DBN1: variants seen among roughly 807,000 people sequenced by gnomAD.
DBN1 encodes drebrin 1.
In DBN1, 21 loss-of-function variants were observed where a neutral mutation model predicts 83.5. That is an observed-to-expected ratio of 0.25 (90% confidence interval 0.18 to 0.36). The LOEUF (loss-of-function observed/expected upper bound fraction) is 0.36. Ranked by LOEUF, DBN1 falls within the 10% of genes least tolerant of loss-of-function variation. The pLI, the probability that DBN1 is intolerant of heterozygous loss-of-function variation, is 1.00. For synonymous variants in DBN1, 381 were observed against 384.9 expected, an observed-to-expected ratio of 0.99 and a Z score of 0.12; for missense variants, 874 against 935.7, an observed-to-expected ratio of 0.93 and a Z score of 0.86.
intron 8 of DBN1, among the ~76,000 whole-genome samples, chr5:177,463,284 G>C (rs1028313251): frequency 3.9e-5 from 6 of 152,150 alleles, no homozygotes; most frequent in Non-Finnish European, 2.9e-5. Flanking sequence ...TGATCCGCCT[G>C]CCTTGGCCTC....
rs554143410 is a variant in DBN1, at chr5:177,466,556, C to A, written c.771+216G>T. Among the ~76,000 whole-genome samples, 11 of 152,180 alleles carry A rather than the reference C, an allele frequency of 7.2e-5. No homozygotes were observed. Among genetic ancestry groups the A allele is most frequent in the African/African-American group, 2.7e-4 (11 of 41,444 alleles). ...GGAGTTTCTCTTCCAATCTAGAGCA[C>A]AAGCTTCTCCAAAGTAGTCTTTTTC... On this transcript the variant is annotated intron_variant, in intron 8 of 14. Coordinates refer to ENST00000393565, the MANE Select transcript of DBN1 (RefSeq NM_001363541.2). The surrounding 1 kb of genome is among the most constrained non-coding windows in gnomAD (Gnocchi z 4.8).
intron 1 of DBN1, among the ~76,000 whole-genome samples, chr5:177,470,640 T>C (rs1757777087): frequency 1.3e-5 from 2 of 152,324 alleles, no homozygotes; most frequent in East Asian, 1.9e-4. Flanking sequence ...TCTGCCTATG[T>C]AGTTCTCTTC....
At chr5:177,468,451 G>T in intron 2 of DBN1, 1 of 576,806 alleles carries the variant, frequency 1.7e-6, no homozygotes, top group Non-Finnish European at 3.1e-6. Flanking sequence ...GTAGGACTGA[G>T]GAAGTGTTTG....
At chr5:177,461,197 C>A (rs956092643) in intron 8 of DBN1, among the ~76,000 whole-genome samples, 3 of 142,566 alleles carry the variant, frequency 2.1e-5, no homozygotes, top group South Asian at 2.2e-4. Context: ...CTCCCGGGTT[C>A]ACGCCATTCT....
intron 8 of DBN1, among the ~76,000 whole-genome samples, chr5:177,463,066 A>G (rs163199): frequency 0.43 from 64,696 of 151,584 alleles, 14,857 homozygotes; most frequent in Non-Finnish European, 0.54. Context: ...AATCTGAGAC[A>G]GAGTCTTTCA....
At position 177,462,315 on chromosome 5, in the gene DBN1, A is replaced by C. The variant is rs1757109438; in HGVS notation, c.772-1612T>G. The C allele has an allele frequency of 4.1e-6, 4 of 985,496 alleles. No homozygotes were observed. The East Asian group carries it at 4.5e-4, about 112-fold the overall frequency. 61.0% of individuals were successfully genotyped at this position (985,496 alleles called of 1,614,324 possible). A position where few individuals can be genotyped will look rare whatever the true frequency, so the allele number is the denominator to read the frequency against. On this transcript the variant is annotated intron_variant, in intron 8 of 14. Transcript: ENST00000393565. The stretch of plus-strand genomic sequence containing the variant: ...CCCGTTCCCACCTCCAAGCCTCAGC[A>C]TGGGAGACTGGCCTCCCTCCCAAAT...
rs1451972106 is a variant in DBN1, at chr5:177,457,495, T to C, written c.2026A>G (p.Ile676Val). ...VFYNKPPEID[I>V]TCWDADPVPE... ...ACTGGGTCTGCATCCCAGCATGTGA[T>C]GTCGATCTCTGTGGCGTTAGAAAGG... Residue 676 changes from isoleucine to valine, a missense_variant, in exon 15 of 15, where the codon ATC (isoleucine) becomes GTC (valine). Ile to Val is a conservative substitution (Grantham distance 29). Coordinates refer to ENST00000393565, the MANE Select transcript of DBN1 (RefSeq NM_001363541.2). 3 of 1,614,154 alleles carry C rather than the reference T, an allele frequency of 1.9e-6. No homozygotes were observed. Among genetic ancestry groups the C allele is most frequent in the Non-Finnish European group, 2.5e-6 (3 of 1,179,968 alleles).
Position 177,467,281 on chromosome 5 carries a change from G to A in DBN1, c.529C>T (p.Arg177Ter). The change falls in exon 6 of 15, where the codon CGA (arginine) becomes TGA (stop). Residue 177 changes from arginine (R) to a stop codon, truncating the protein, a stop_gained. Transcript: ENST00000393565. LOFTEE classifies it high-confidence loss of function. This position sits in a 1 kb window ranked among gnomAD's most constrained non-coding sequence, Gnocchi z 9.1. ...TTGGCCTGCTCCCAGAACTGCTCTC[G>A]GTTAATCCGCTTCATTTCCACAGCT... ...DAAVEMKRINREQFWEQAKKE... is the reference protein window; with the variant it reads ...DAAVEMKRIN 1.2e-6 allele frequency: 2 copies of A among 1,614,152 alleles called. No individual in the cohort carries two copies. The highest frequency in any genetic ancestry group is 1.7e-6 in the Non-Finnish European group (2 of 1,180,006).
intron 1 of DBN1, among the ~76,000 whole-genome samples, chr5:177,471,598 G>A (rs1757845974): frequency 1.3e-5 from 2 of 152,092 alleles, no homozygotes; most frequent in African/African-American, 4.8e-5. Flanking sequence ...TGGGCCCTGG[G>A]GTATTCATAT....
Position 177,459,103 on chromosome 5 carries a change from G to A in DBN1, c.1259C>T (p.Ala420Val). ...PPPLPPPPPP[A>V]QETQEPSPIL... ...AGGTAGCATCCCTCTCTCACCTTGGGCTGGTGGGGGTGGCGGTGGCAGTGG... is the reference window on the plus strand; with the variant it reads ...AGGTAGCATCCCTCTCTCACCTTGGACTGGTGGGGGTGGCGGTGGCAGTGG... Residue 420 changes from alanine to valine, a missense_variant, in exon 12 of 15, where the codon GCC becomes GTC. Coordinates refer to ENST00000393565, the MANE Select transcript of DBN1 (RefSeq NM_001363541.2). The A allele has an allele frequency of 1.2e-6, 2 of 1,607,586 alleles. No homozygotes were observed. The highest frequency in any genetic ancestry group is 1.7e-6 in the Non-Finnish European group (2 of 1,177,158).
In DBN1 at chr5:177,456,911, G is replaced by A. The variant is rs1448572265; in HGVS notation, c.*522C>T. The stretch of plus-strand genomic sequence containing the variant: ...GCCAGACAGGAAGGGGTCAAAAGAA[G>A]GGCGGGGAGGGGGTCCCAGGGAGCC... On this transcript the variant is annotated 3_prime_UTR_variant, in exon 15 of 15. Transcript: ENST00000393565. 1 of 154,762 alleles carries A rather than the reference G, an allele frequency of 6.5e-6. No homozygotes were observed. Among genetic ancestry groups the A allele is most frequent in the Non-Finnish European group, 1.4e-5 (1 of 69,168 alleles). The allele number at this position is 154,762 out of a possible 1,614,324, so 9.6% of individuals were successfully genotyped here.
intron 13 of DBN1, 132 bp from the exon 14 acceptor site, chr5:177,457,889 G>T: frequency 3.6e-6 from 4 of 1,107,262 alleles, no homozygotes; most frequent in Non-Finnish European, 5.4e-6. Flanking sequence ...TGCCTGCCTT[G>T]GGAACAAAAG....
At chr5:177,461,518 A>T (rs1000212219) in intron 8 of DBN1, among the ~76,000 whole-genome samples, 2 of 152,012 alleles carry the variant, frequency 1.3e-5, no homozygotes, top group African/African-American at 4.8e-5. Context: ...CAGGGCCCTC[A>T]GCCACCTCAT....
chr5:177,465,000 A>C (rs1015474216), intron 8 of DBN1, among the ~76,000 whole-genome samples: 12 of 151,862 alleles, frequency 7.9e-5, no homozygotes, highest in Non-Finnish European at 1.6e-4. Flanking sequence ...TAAAAATACA[A>C]AAAATTAGCC....
chr5:177,460,328 C>T (rs1756927092), intron 10 of DBN1, 104 bp downstream of exon 10: 2 of 1,555,272 alleles, frequency 1.3e-6, no homozygotes, highest in South Asian at 1.1e-5. Context: ...CTCGCCTTCT[C>T]CAAGGGTTGC....
At chr5:177,459,535 G>C (rs996849435) in intron 11 of DBN1, 68 bp downstream of exon 11, 2 of 1,432,174 alleles carry the variant, frequency 1.4e-6, no homozygotes, top group South Asian at 2.9e-5. Context: ...GGGGGAGTGA[G>C]GGCGGGGGGC....
In DBN1 at chr5:177,467,095, C is replaced by T. The variant is rs776641532; in HGVS notation, c.556-33G>A. On this transcript the variant is annotated intron_variant, in intron 6 of 14. Coordinates refer to ENST00000393565, the MANE Select transcript of DBN1 (RefSeq NM_001363541.2). The surrounding 1 kb of genome is among the most constrained non-coding windows in gnomAD (Gnocchi z 9.1). ...CCCCGGTGCGAACAAGGGTAGGCCC[C>T]GAGCCTAGGCGCCTGGACCCTGCCC... The T allele has an allele frequency of 1.1e-5, 18 of 1,612,696 alleles. No homozygotes were observed. The highest frequency in any genetic ancestry group is 1.7e-4 in the Middle Eastern group (1 of 5,868).
chr5:177,472,913 G>C (rs1757953422), intron 1 of DBN1: 1 of 883,262 alleles, frequency 1.1e-6, no homozygotes, highest in Non-Finnish European at 1.4e-6. Context: ...CGGTGGGCGG[G>C]GCGCCCGGCC....
intron 12 of DBN1, 38 bp from the exon 13 acceptor site, chr5:177,458,745 C>T (rs1284766790): frequency 1.6e-5 from 23 of 1,459,260 alleles, no homozygotes; most frequent in Non-Finnish European, 2.1e-5. Flanking sequence ...GTAACCGGCT[C>T]CCCTCGGGGA....
Sources: gnomAD v4.1 joint callset for allele counts (sites outside exome capture counted in the v4.1 genomes callset) on GRCh38, gnomAD v4.1.1 for gene constraint, Gnocchi (gnomAD v3.1) non-coding constraint, MANE v1.5 for transcripts, NCBI Gene and HGNC (gene_info 2026-07-23, HGNC 2026-07-21) for gene names.